The following PCDH11X variants were observed in gnomAD, a reference collection of about 807,000 sequenced individuals.
PCDH11X encodes protocadherin-11 X-linked.
In PCDH11X, 18 loss-of-function variants were observed where a neutral mutation model predicts 53.3. That is an observed-to-expected ratio of 0.34 (90% CI 0.23 to 0.50). The LOEUF (loss-of-function observed/expected upper bound fraction) is 0.50. Ranked by LOEUF, PCDH11X falls within the 20% of genes least tolerant of loss-of-function variation. PCDH11X has a pLI of 0.98. For synonymous variants in PCDH11X, 279 were observed against 393.3 expected, an observed-to-expected ratio of 0.71 and a Z score of 3.44; for missense variants, 570 against 1,032.4, an observed-to-expected ratio of 0.55 and a Z score of 6.14.
chrX:92,128,281 G>C (rs1245397672), intron 6 of PCDH11X, among the ~76,000 whole-genome samples: 1 of 110,702 alleles, frequency 9.0e-6, no homozygotes, highest in Non-Finnish European at 1.9e-5. Flanking sequence ...ATTTCAGTCA[G>C]TATGGAATAC....
intron 6 of PCDH11X, among the ~76,000 whole-genome samples, chrX:92,015,059 C>T (rs2062767321): frequency 8.9e-6 from 1 of 111,777 alleles, no homozygotes; most frequent in African/African-American, 3.3e-5. Context: ...TGAAACATGT[C>T]ATGCTGCAAA....
intron 10 of PCDH11X, among the ~76,000 whole-genome samples, chrX:92,575,219 T>G (rs754465340): frequency 9.1e-6 from 1 of 110,287 alleles, no homozygotes; most frequent in East Asian, 2.8e-4. Context: ...AAATGCATAG[T>G]TTGAATATAT....
chrX:92,284,064 A>C (rs2068307141), intron 8 of PCDH11X, among the ~76,000 whole-genome samples: 1 of 106,947 alleles, frequency 9.4e-6, no homozygotes, highest in East Asian at 2.9e-4. Context: ...GTTATAGCTA[A>C]TTTTTCCTAA....
intron 6 of PCDH11X, among the ~76,000 whole-genome samples, chrX:91,979,057 T>C (rs2062086642): frequency 8.9e-6 from 1 of 111,877 alleles, no homozygotes; most frequent in African/African-American, 3.2e-5. Flanking sequence ...TCTGAATGCA[T>C]TGTAAAACTA....
chrX:92,565,551 C>A (rs1921361843), intron 10 of PCDH11X, among the ~76,000 whole-genome samples: 1 of 83,767 alleles, frequency 1.2e-5, no homozygotes, highest in Admixed American at 1.5e-4. Flanking sequence ...ACAAATATTG[C>A]ACATTCTCAT....
intron 7 of PCDH11X, among the ~76,000 whole-genome samples, chrX:92,252,724 A>C (rs1465907928): frequency 9.0e-6 from 1 of 110,886 alleles, no homozygotes; most frequent in African/African-American, 3.3e-5. Flanking sequence ...TGTGCTCAGT[A>C]AATACATTGT....
At chrX:92,411,963 G>A (rs1603304272) in intron 9 of PCDH11X, among the ~76,000 whole-genome samples, 1 of 38,787 alleles carries the variant, frequency 2.6e-5, no homozygotes, top group Non-Finnish European at 5.8e-5. Context: ...GGGAGGAGGA[G>A]GAGGAGGGAA....
At chrX:92,616,618 A>G (rs1470981770) in intron 10 of PCDH11X, among the ~76,000 whole-genome samples, 1 of 111,296 alleles carries the variant, frequency 9.0e-6, no homozygotes, top group Non-Finnish European at 1.9e-5. Flanking sequence ...TTACATTGTA[A>G]TGATTAGGTA....
At chrX:91,834,942 A>T in intron 4 of PCDH11X, 1 of 763,643 alleles carries the variant, frequency 1.3e-6, no homozygotes, top group Non-Finnish European at 1.6e-6. Context: ...CTTTATAATG[A>T]TTCCTTGCCT....
chrX:92,182,311 T>C (rs2066011313), intron 6 of PCDH11X, among the ~76,000 whole-genome samples: 1 of 112,090 alleles, frequency 8.9e-6, no homozygotes, highest in Non-Finnish European at 1.9e-5. Flanking sequence ...TATACCCCCA[T>C]TGTATTTAGG....
At chrX:92,048,398 A>G (rs2063323349) in intron 6 of PCDH11X, among the ~76,000 whole-genome samples, 1 of 111,436 alleles carries the variant, frequency 9.0e-6, no homozygotes, top group Non-Finnish European at 1.9e-5. Context: ...AAATGAAACA[A>G]AAAAGCTCTT....
At chrX:92,159,810 C>A (rs2065604691) in intron 6 of PCDH11X, among the ~76,000 whole-genome samples, 1 of 61,982 alleles carries the variant, frequency 1.6e-5, no homozygotes, top group South Asian at 9.3e-4. Context: ...CATCAGGTTA[C>A]CTCATTTTTT....
intron 6 of PCDH11X, among the ~76,000 whole-genome samples, chrX:92,072,834 T>G (rs1331575398): frequency 9.0e-6 from 1 of 111,280 alleles, no homozygotes; most frequent in African/African-American, 3.3e-5. Flanking sequence ...CTCTGTTCAC[T>G]GGCTCTAAGT....
chrX:92,382,962 C>A (rs2070914586), intron 8 of PCDH11X, among the ~76,000 whole-genome samples: 1 of 110,579 alleles, frequency 9.0e-6, no homozygotes, highest in Non-Finnish European at 1.9e-5. Flanking sequence ...GAAAAATTAG[C>A]CTTCCAGATC....
intron 6 of PCDH11X, among the ~76,000 whole-genome samples, chrX:91,893,513 A>G (rs1186616414): frequency 9.1e-6 from 1 of 109,646 alleles, no homozygotes; most frequent in Non-Finnish European, 1.9e-5. Flanking sequence ...ATATGGCGAG[A>G]AAAAAAGACA....
chrX:92,228,943 G>A (rs930904103), intron 7 of PCDH11X, among the ~76,000 whole-genome samples: 15 of 111,397 alleles, frequency 1.3e-4, no homozygotes, highest in African/African-American at 4.9e-4. Context: ...CATTGTATAG[G>A]CTAAGAGATC....
intron 6 of PCDH11X, among the ~76,000 whole-genome samples, chrX:92,186,662 C>A: frequency 9.6e-6 from 1 of 104,575 alleles, no homozygotes; most frequent in Admixed American, 1.0e-4. Flanking sequence ...ATAGTTGTTT[C>A]TAGAAGCTGG....
chrX:91,947,294 A>T (rs1386907245), intron 6 of PCDH11X, among the ~76,000 whole-genome samples: 55 of 109,460 alleles, frequency 5.0e-4, no homozygotes, highest in Non-Finnish European at 8.8e-4. Flanking sequence ...TGCGAAGGGC[A>T]TACAAAAAGC....
At chrX:92,098,288 T>G (rs1489545912) in intron 6 of PCDH11X, among the ~76,000 whole-genome samples, 1 of 111,662 alleles carries the variant, frequency 9.0e-6, no homozygotes, top group Non-Finnish European at 1.9e-5. Context: ...CTAATTAAGG[T>G]GGAGGTAGAT....
Sources: allele counts gnomAD v4.1 joint callset (sites outside exome capture counted in the v4.1 genomes callset), GRCh38; gene constraint gnomAD v4.1.1; transcripts MANE v1.5; gene names NCBI Gene and HGNC (gene_info 2026-07-23, HGNC 2026-07-21).